CAPS2: variants seen among roughly 807,000 people sequenced by gnomAD.
CAPS2 encodes calcyphosin-2.
Under a neutral mutation model 86.5 loss-of-function variants are expected in CAPS2, and 98 were observed. The observed-to-expected ratio is 1.13, with a 90% CI of 0.96 to 1.34. The LOEUF (loss-of-function observed/expected upper bound fraction) is 1.34. Ranked by LOEUF, CAPS2 falls within the 40% of genes most tolerant of loss-of-function variation. The probability of loss-of-function intolerance (pLI) is 0.00; values close to 1 mark genes in which losing one functional copy is unlikely to be tolerated. For synonymous variants in CAPS2, 210 were observed against 225.1 expected (o/e 0.93, Z 0.60); for missense variants, 729 against 686.8 (o/e 1.06, Z -0.69).
rs774968146 is a variant in CAPS2 at position 75,293,290 on chromosome 12, G to C, written c.1122C>G (p.Leu374=). The change falls in exon 12 of 17, where the codon CTC becomes CTG. Residue 374 remains leucine (L), a synonymous_variant. Coordinates refer to ENST00000393284, the Ensembl canonical transcript of CAPS2. ...CTATTTGATCAATATTTGTGATTCG[G>C]AGTTTAAGTAATGTGTTTTCTTTGA... 3.7e-6 allele frequency: 6 copies of C among 1,611,988 alleles called. No individual in the cohort carries two copies. The South Asian group carries it at 6.6e-5, about 18-fold the overall frequency.
At chr12:75,390,680 C>T (rs1414092060) in intron 1 of CAPS2, among the ~76,000 whole-genome samples, 1 of 152,320 alleles carries the variant, frequency 6.6e-6, no homozygotes, top group South Asian at 2.1e-4. Context: ...AAAATCATTT[C>T]ACCTGGCACA....
At chr12:75,356,560 G>A (rs2043170970) in intron 1 of CAPS2, among the ~76,000 whole-genome samples, 1 of 151,892 alleles carries the variant, frequency 6.6e-6, no homozygotes, top group East Asian at 1.9e-4. Context: ...TCGCAAATAA[G>A]CCAACAAAGC....
At chr12:75,347,483 A>T (rs2042530395) in intron 1 of CAPS2, 1 of 392,522 alleles carries the variant, frequency 2.5e-6, no homozygotes, top group Admixed American at 4.1e-5. Context: ...AAATATAAAC[A>T]TTAGAAAAAA....
At chr12:75,388,551 C>T (rs1014927052) in intron 1 of CAPS2, among the ~76,000 whole-genome samples, 1 of 152,160 alleles carries the variant, frequency 6.6e-6, no homozygotes, top group African/African-American at 2.4e-5. Context: ...AGACTACATA[C>T]TGTATGACTC....
intron 7 of CAPS2, chr12:75,306,362 G>A: frequency 2.2e-6 from 1 of 464,456 alleles, no homozygotes. Flanking sequence ...CTGAGGACTA[G>A]CAAGGTCTGG....
chr12:75,323,781 T>A (rs1200058790), intron 2 of CAPS2, among the ~76,000 whole-genome samples: 1 of 152,138 alleles, frequency 6.6e-6, no homozygotes, highest in African/African-American at 2.4e-5. Context: ...TCAAAATTCA[T>A]CACTTCCTGA....
chr12:75,323,205 A>T lies in CAPS2; in HGVS notation c.149T>A (p.Leu50Ter). ...ATCATCAGAGTCAACAAGGCTTCCC[A>T]AATCAAGTCGTGGGACCCTGAAAGA... is the stretch of plus-strand genomic sequence containing the variant. The change falls in exon 3 of 17, where the codon TTG becomes TAG. Residue 50 changes from leucine (L) to a stop codon, truncating the protein, a stop_gained. Transcript: ENST00000393284. LOFTEE classifies it high-confidence loss of function. 6.5e-7 allele frequency: 1 copy of T among 1,544,710 alleles called. No homozygotes were observed. Among genetic ancestry groups the T allele is most frequent in the Non-Finnish European group, 8.7e-7 (1 of 1,143,974 alleles).
intron 1 of CAPS2, chr12:75,373,972 A>C (rs2044514012): frequency 6.6e-6 from 1 of 152,220 alleles, no homozygotes; most frequent in African/African-American, 2.4e-5. Context: ...GTTGCATGCT[A>C]ACTTGATGAC....
intron 1 of CAPS2, among the ~76,000 whole-genome samples, chr12:75,371,760 C>T (rs189641334): frequency 1.9e-4 from 29 of 152,234 alleles, no homozygotes; most frequent in Admixed American, 1.6e-3. Context: ...AATGAAGATA[C>T]TTTCTTAGTA....
chr12:75,292,455 G>A lies in CAPS2; in HGVS notation c.1164-635C>T, dbSNP rs568598576. 9.9e-5 allele frequency among the ~76,000 whole-genome samples: 15 copies of A among 151,644 alleles called. No individual in the cohort carries two copies. The East Asian group carries it at 2.1e-3, about 22-fold the overall frequency. On this transcript the variant is annotated intron_variant, in intron 12 of 16. Coordinates refer to ENST00000393284, the Ensembl canonical transcript of CAPS2. ...AATTTTACCTTGCAAAGCATAAAAT[G>A]AAAAACTATTATTTTTAAAAGCCCC...
chr12:75,331,609 G>C (rs887701463), upstream of CAPS2, among the ~76,000 whole-genome samples: 6 of 151,642 alleles, frequency 4.0e-5, no homozygotes, highest in Non-Finnish European at 7.4e-5. Context: ...TGTCGCCCAG[G>C]CTGGAGTGCA....
chr12:75,284,169 C>T (rs559366772), intron 15 of CAPS2, among the ~76,000 whole-genome samples: 30 of 152,136 alleles, frequency 2.0e-4, no homozygotes, highest in African/African-American at 6.0e-4. Context: ...ATGGAAAGTA[C>T]GAATAAGTAC....
At chr12:75,354,173 G>C (rs578039760) in intron 1 of CAPS2, among the ~76,000 whole-genome samples, 17 of 144,480 alleles carry the variant, frequency 1.2e-4, no homozygotes, top group East Asian at 4.2e-4. Flanking sequence ...AAAAGGGGGG[G>C]GGGTATTCAA....
intron 7 of CAPS2, among the ~76,000 whole-genome samples, chr12:75,307,396 A>G (rs1200781565): frequency 6.6e-6 from 1 of 152,230 alleles, no homozygotes; most frequent in Non-Finnish European, 1.5e-5. Context: ...ATCAGGTGGC[A>G]TTGCAATGGG....
intron 9 of CAPS2, 141 bp from the exon 10 acceptor site, chr12:75,299,107 G>A (rs1001437069): frequency 7.5e-6 from 4 of 530,040 alleles, no homozygotes; most frequent in Admixed American, 7.2e-5. Flanking sequence ...AAACTGTAGG[G>A]AAAACACAAA....
rs1457537882 is a variant in CAPS2 at position 75,377,292 on chromosome 12, A to G, written c.-395+13546T>C. On this transcript the variant is annotated intron_variant, in intron 1 of 5. Transcript: ENST00000551829. ...CCTGGTACCAAAATCTGTATTTGGC[A>G]GGGTTCCCTAAAGGGACAGAACTAC... 2.6e-5 allele frequency among the ~76,000 whole-genome samples: 4 copies of G among 152,326 alleles called. No individual in the cohort carries two copies. The East Asian group carries it at 7.7e-4, about 29-fold the overall frequency.
intron 7 of CAPS2, among the ~76,000 whole-genome samples, chr12:75,311,333 G>A (rs1055255179): frequency 2.6e-5 from 4 of 152,132 alleles, no homozygotes; most frequent in African/African-American, 4.8e-5. Context: ...TGACAAGCTG[G>A]ATATAGTATT....
chr12:75,328,272 A>G (rs752887652), upstream of CAPS2, among the ~76,000 whole-genome samples: 4 of 152,208 alleles, frequency 2.6e-5, no homozygotes, highest in Non-Finnish European at 4.4e-5. Context: ...ACGCTGAACA[A>G]TCAGCAAAGT....
chr12:75,375,658 G>C lies in CAPS2; in HGVS notation c.-395+15180C>G, dbSNP rs142997326. On this transcript the variant is annotated intron_variant, in intron 1 of 5. Coordinates refer to the CAPS2 transcript ENST00000551829. ...TGTCCACTCGACCTGAAAGTTTTCT[G>C]CCTATATAAATTAAGTAACAATGCT... Among the ~76,000 whole-genome samples the C allele has an allele frequency of 1.7e-3, 252 of 152,256 alleles. 1 individual carries two copies. Among genetic ancestry groups the C allele is most frequent in the African/African-American group, 5.7e-3 (236 of 41,546 alleles).
Sources: allele counts gnomAD v4.1 joint callset (sites outside exome capture counted in the v4.1 genomes callset), GRCh38; gene constraint gnomAD v4.1.1; transcripts MANE v1.5; gene names NCBI Gene and HGNC (gene_info 2026-07-23, HGNC 2026-07-21).